COL13A1: variants seen among roughly 807,000 people sequenced by gnomAD.
COL13A1 encodes collagen type XIII alpha 1 chain.
Under a neutral mutation model 130.9 loss-of-function variants are expected in COL13A1, and 89 were observed. That is an observed-to-expected ratio of 0.68 (90% CI 0.57 to 0.81). COL13A1 has a LOEUF of 0.81. Ranked by LOEUF, COL13A1 falls within the 30% of genes least tolerant of loss-of-function variation. The pLI, the probability that COL13A1 is intolerant of heterozygous loss-of-function variation, is 0.00. For synonymous variants in COL13A1, 402 were observed against 341.6 expected, an observed-to-expected ratio of 1.18 and a Z score of -1.95; for missense variants, 879 against 934.6, an observed-to-expected ratio of 0.94 and a Z score of 0.78.
chr10:69,895,596 T>G lies in COL13A1; in HGVS notation c.684+20T>G, dbSNP rs376588181. The G allele has an allele frequency of 1.4e-5, 23 of 1,613,556 alleles. No individual in the cohort carries two copies. In the Middle Eastern group the frequency reaches 5.0e-4, roughly 35 times the overall value. On this transcript the variant is annotated intron_variant, in intron 13 of 40. Transcript: ENST00000645393. Reference sequence around the variant, plus strand: ...CACCGGGTAAGTGAACCCCTAAAATTTAGCAGGGCACTTTGATCCATCCCT... The same window carrying G: ...CACCGGGTAAGTGAACCCCTAAAATGTAGCAGGGCACTTTGATCCATCCCT...
intron 2 of COL13A1, among the ~76,000 whole-genome samples, chr10:69,825,020 C>T (rs2132703102): frequency 6.6e-6 from 1 of 152,330 alleles, no homozygotes; most frequent in Middle Eastern, 3.4e-3. Context: ...CTCTGACTGA[C>T]CTGAGGCTTC....
At chr10:69,815,393 C>T (rs901990144) in intron 1 of COL13A1, among the ~76,000 whole-genome samples, 12 of 152,282 alleles carry the variant, frequency 7.9e-5, no homozygotes, top group South Asian at 4.1e-4. Flanking sequence ...ACCGATCAGG[C>T]GGGTGATGTT....
intron 2 of COL13A1, among the ~76,000 whole-genome samples, chr10:69,855,026 T>C (rs2704478): frequency 0.95 from 144,515 of 152,254 alleles, 69,053 homozygotes; most frequent in East Asian, 1. Context: ...GCAAGAATCC[T>C]AGCTCCACCG....
intron 17 of COL13A1, among the ~76,000 whole-genome samples, chr10:69,911,699 G>A (rs2063397509): frequency 6.6e-6 from 1 of 152,256 alleles, no homozygotes; most frequent in South Asian, 2.1e-4. Flanking sequence ...GGCTCCCTGG[G>A]AGCATGTCTG....
intron 9 of COL13A1, 77 bp downstream of exon 9, chr10:69,888,407 C>T (rs2060814895): frequency 1.3e-5 from 20 of 1,551,218 alleles, no homozygotes; most frequent in Non-Finnish European, 1.8e-5. Context: ...GATATTGAAT[C>T]CTTGGAAAAT....
At chr10:69,856,771 T>C (rs935420321) in intron 2 of COL13A1, among the ~76,000 whole-genome samples, 1 of 151,904 alleles carries the variant, frequency 6.6e-6, no homozygotes, top group African/African-American at 2.4e-5. Context: ...GGGCTGGGGG[T>C]GGAGCAGGAA....
At chr10:69,883,421 G>A (rs113392360) in intron 7 of COL13A1, among the ~76,000 whole-genome samples, 1 of 152,206 alleles carries the variant, frequency 6.6e-6, no homozygotes, top group Non-Finnish European at 1.5e-5. Context: ...ACACCAGGTA[G>A]ACACACCTAC....
At chr10:69,925,110 G>T in intron 25 of COL13A1, 103 bp downstream of exon 25, 1 of 1,233,016 alleles carries the variant, frequency 8.1e-7, no homozygotes, top group South Asian at 1.9e-5. Flanking sequence ...ATTTTGCCAA[G>T]GTTAAGGGCA....
At chr10:69,835,328 T>C in intron 2 of COL13A1, among the ~76,000 whole-genome samples, 1 of 152,072 alleles carries the variant, frequency 6.6e-6, no homozygotes, top group East Asian at 1.9e-4. Context: ...TGGGCAGTTA[T>C]AAGAGACTAG....
chr10:69,873,240 A>G (rs1283596038), intron 4 of COL13A1, among the ~76,000 whole-genome samples: 1 of 152,238 alleles, frequency 6.6e-6, no homozygotes, highest in African/African-American at 2.4e-5. Context: ...CCTTTTAGAC[A>G]TGGATTATAC....
chr10:69,942,464 C>G (rs1698414561), intron 35 of COL13A1, among the ~76,000 whole-genome samples: 1 of 152,212 alleles, frequency 6.6e-6, no homozygotes, highest in African/African-American at 2.4e-5. Context: ...AGACTTTCCT[C>G]TCAATGGCTT....
At position 69,824,627 on chromosome 10, in the gene COL13A1, G is replaced by A. The variant is rs575635489; in HGVS notation, c.364+2189G>A. ...GACCATGAAGCAGCTCAGAGGGTCA[G>A]GGGAGGAGGAAACACCATGGGGAGA... On this transcript the variant is annotated intron_variant, in intron 2 of 40. Coordinates refer to ENST00000645393, the MANE Select transcript of COL13A1 (RefSeq NM_001368882.1). Among the ~76,000 whole-genome samples the A allele has an allele frequency of 2.6e-5, 4 of 152,330 alleles. No homozygotes were observed. The East Asian group carries it at 5.8e-4, about 22-fold the overall frequency.
chr10:69,881,485 G>A (rs1323916923), intron 7 of COL13A1, among the ~76,000 whole-genome samples: 3 of 152,182 alleles, frequency 2.0e-5, no homozygotes, highest in African/African-American at 7.2e-5. Context: ...GCCAGAGAAC[G>A]AATGGCTAAC....
Position 69,944,505 on chromosome 10 carries a change from T to A in COL13A1, c.1968+327T>A, listed in dbSNP as rs560229656. On this transcript the variant is annotated intron_variant, in intron 36 of 40. Transcript: ENST00000645393. Reference sequence around the variant, plus strand: ...ACCCAGACTCTACAAAAAATTTTTTTAAAATTAGCCAGGCATGATGGTGCA... The same window carrying A: ...ACCCAGACTCTACAAAAAATTTTTTAAAAATTAGCCAGGCATGATGGTGCA... 5.7e-4 allele frequency among the ~76,000 whole-genome samples: 87 copies of A among 151,992 alleles called. No homozygotes were observed. In the Middle Eastern group the frequency reaches 0.01, roughly 18 times the overall value.
At chr10:69,918,135 C>T (rs1565056573) in intron 18 of COL13A1, 150 bp from the exon 19 acceptor site, 4 of 606,710 alleles carry the variant, frequency 6.6e-6, no homozygotes, top group Non-Finnish European at 8.6e-6. Context: ...GCGCCCCCAC[C>T]TCCCAGGTGG....
intron 26 of COL13A1, 165 bp downstream of exon 26, chr10:69,926,037 C>T (rs1484489042): frequency 3.3e-6 from 2 of 604,156 alleles, no homozygotes; most frequent in African/African-American, 3.7e-5. Context: ...CTTTGACCTC[C>T]CGCTGTGTAG....
At chr10:69,823,397 A>C (rs1300238213) in intron 2 of COL13A1, among the ~76,000 whole-genome samples, 1 of 152,238 alleles carries the variant, frequency 6.6e-6, no homozygotes, top group East Asian at 1.9e-4. Flanking sequence ...GAAGAGTTGC[A>C]GGAGACAAGG....
At chr10:69,808,693 G>A (rs946614229) in intron 1 of COL13A1, among the ~76,000 whole-genome samples, 29 of 152,342 alleles carry the variant, frequency 1.9e-4, no homozygotes, top group African/African-American at 7.0e-4. Flanking sequence ...CGATGACAGC[G>A]ATAGAGGCAT....
chr10:69,808,759 T>C (rs1053493074), intron 1 of COL13A1, among the ~76,000 whole-genome samples: 1 of 152,242 alleles, frequency 6.6e-6, no homozygotes, highest in African/African-American at 2.4e-5. Context: ...AATACGCAGC[T>C]CTCACAAATT....
Sources: allele counts gnomAD v4.1 joint callset (sites outside exome capture counted in the v4.1 genomes callset), GRCh38; gene constraint gnomAD v4.1.1; transcripts MANE v1.5; gene names NCBI Gene and HGNC (gene_info 2026-07-23, HGNC 2026-07-21).